KLHL2: variants seen among roughly 807,000 people sequenced by gnomAD.
KLHL2 encodes kelch-like protein 2.
A neutral mutation model predicts 75.8 loss-of-function variants in KLHL2; 15 were observed. That is an observed-to-expected ratio of 0.20 (90% CI 0.13 to 0.30). The LOEUF (loss-of-function observed/expected upper bound fraction) is 0.30. KLHL2 is among the 10% of genes least tolerant of loss of function. The pLI, the probability that KLHL2 is intolerant of heterozygous loss-of-function variation, is 1.00. For missense variants in KLHL2, 381 were observed against 741.0 expected, an observed-to-expected ratio of 0.51 and a Z score of 5.64; for synonymous variants, 214 against 251.9, an observed-to-expected ratio of 0.85 and a Z score of 1.42.
intron 14 of KLHL2, among the ~76,000 whole-genome samples, chr4:165,321,618 CT>C (rs776225142): frequency 3.3e-5 from 5 of 152,116 alleles, no homozygotes; most frequent in African/African-American, 9.7e-5. Context: ...GTCAGCACCC[CT>C]GACCCCCATG....
At chr4:165,278,698 GTA>G (rs763153636) in intron 5 of KLHL2, 1 of 1,604,106 alleles carries the variant, frequency 6.2e-7, no homozygotes, top group South Asian at 1.1e-5. Flanking sequence ...CTTCCAAAGC[GTA>G]ATATACCGGT....
intron 2 of KLHL2, among the ~76,000 whole-genome samples, chr4:165,228,110 C>T (rs1738598731): frequency 6.6e-6 from 1 of 152,226 alleles, no homozygotes; most frequent in Non-Finnish European, 1.5e-5. Context: ...GTTGGCCAGG[C>T]TGGTCTCAAA....
In KLHL2 at chr4:165,313,232, G is replaced by A. The variant is rs774576266; in HGVS notation, c.1340-6G>A. On this transcript the variant is annotated splice_polypyrimidine_tract_variant and splice_region_variant and intron_variant, in intron 11 of 14. Transcript: ENST00000226725. ...AATTTGGCTTTCTATGTGATTTTAT[G>A]TGTAGGTTTGCTCTATGCTGTAGGA... 6.2e-7 allele frequency: 1 copy of A among 1,607,140 alleles called. No individual in the cohort carries two copies. The highest frequency in any genetic ancestry group is 1.1e-5 in the South Asian group (1 of 89,912).
In KLHL2 at chr4:165,239,166, A is replaced by G. The variant is rs147626258; in HGVS notation, c.381+267A>G. Among the ~76,000 whole-genome samples the G allele has an allele frequency of 9.6e-3, 1,467 of 152,102 alleles. 22 individuals are homozygous for G. Among genetic ancestry groups the G allele is most frequent in the African/African-American group, 0.032 (1,309 of 41,486 alleles). ...CATGAAAACACTGTCATATTCATTT[A>G]TAACTGTTGATTGATGCTGCCCACA... On this transcript the variant is annotated intron_variant, in intron 4 of 14. Transcript: ENST00000226725.
intron 5 of KLHL2, among the ~76,000 whole-genome samples, chr4:165,271,724 C>A (rs565729048): frequency 1.3e-5 from 2 of 152,296 alleles, no homozygotes; most frequent in African/African-American, 4.8e-5. Context: ...GAAGATAAAT[C>A]TGGTAGAAGT....
chr4:165,274,441 C>T (rs780549016), intron 5 of KLHL2, among the ~76,000 whole-genome samples: 1 of 152,058 alleles, frequency 6.6e-6, no homozygotes, highest in Admixed American at 6.5e-5. Flanking sequence ...AACCCTGTCT[C>T]TACTAAAAAT....
chr4:165,268,536 G>C (rs889029952), intron 5 of KLHL2, among the ~76,000 whole-genome samples: 1 of 152,178 alleles, frequency 6.6e-6, no homozygotes, highest in African/African-American at 2.4e-5. Flanking sequence ...TGACTTCAAA[G>C]AACATCTTTA....
rs1739791515 is a variant in KLHL2, at chr4:165,241,208, GT to G, written c.381+2313del. ...TTTTATTTTCAATTGAAAAATACTT[GT>G]TTTGGAAAAGGCAGTTGAGAAATAA... is the stretch of plus-strand genomic sequence containing the variant. On this transcript the variant is annotated intron_variant, in intron 4 of 14. Transcript: ENST00000226725. Among the ~76,000 whole-genome samples the G allele has an allele frequency of 1.2e-4, 18 of 152,178 alleles. No individual in the cohort carries two copies. The South Asian group carries it at 3.7e-3, about 32-fold the overall frequency.
At chr4:165,296,304 C>A (rs962392032) in intron 6 of KLHL2, among the ~76,000 whole-genome samples, 9 of 152,226 alleles carry the variant, frequency 5.9e-5, no homozygotes, top group Admixed American at 3.3e-4. Context: ...CCTCCTCTCC[C>A]CTCCTTTCTT....
intron 4 of KLHL2, chr4:165,240,362 A>G (rs1428964966): frequency 3.9e-5 from 6 of 152,200 alleles, no homozygotes; most frequent in Non-Finnish European, 4.4e-5. Context: ...TTGTTAAGAC[A>G]TGCTATCGAT....
chr4:165,245,467 G>A (rs941910114), intron 4 of KLHL2, among the ~76,000 whole-genome samples: 20 of 152,106 alleles, frequency 1.3e-4, no homozygotes, highest in Admixed American at 2.0e-4. Context: ...TAAGGGCTGG[G>A]CAATTGTAAT....
chr4:165,297,691 G>T lies in KLHL2; in HGVS notation c.737G>T (p.Arg246Leu). Residue 246 changes from arginine (R) to leucine (L), a missense_variant, in exon 7 of 15, where the codon CGG (arginine) becomes CTG (leucine). By Grantham distance (102) the Arg-to-Leu change is moderately radical. Around this residue, in one of 5 missense-constraint regions of KLHL2, gnomAD observed 111 missense variants for 150.1 expected, o/e 0.74. Transcript: ENST00000226725. ...EFMARLMEHV[R>L]LPLLPREYLV... Reference sequence around the variant, plus strand: ...ATGGCCCGACTGATGGAACATGTACGGTTACCTTTGCTTCCTCGGGAATAT... The same window carrying T: ...ATGGCCCGACTGATGGAACATGTACTGTTACCTTTGCTTCCTCGGGAATAT... The T allele has an allele frequency of 6.2e-7, 1 of 1,613,276 alleles. No individual in the cohort carries two copies. Among genetic ancestry groups the T allele is most frequent in the Non-Finnish European group, 8.5e-7 (1 of 1,179,256 alleles).
At chr4:165,266,434 T>A (rs1742249462) in intron 5 of KLHL2, among the ~76,000 whole-genome samples, 2 of 152,208 alleles carry the variant, frequency 1.3e-5, no homozygotes, top group Non-Finnish European at 2.9e-5. Context: ...GGTTTTCTTC[T>A]GGGGTTTTTA....
chr4:165,313,247 A>G lies in KLHL2; in HGVS notation c.1349A>G (p.Tyr450Cys), dbSNP rs188357969. Reference sequence around the variant, plus strand: ...GTGATTTTATGTGTAGGTTTGCTCTATGCTGTAGGAGGTTATGATGGAGCA... The same window carrying G: ...GTGATTTTATGTGTAGGTTTGCTCTGTGCTGTAGGAGGTTATGATGGAGCA... Reference protein sequence around the residue: ...VGVGVVGGLLYAVGGYDGASR... With the variant: ...VGVGVVGGLLCAVGGYDGASR... The change falls in exon 12 of 15, where the codon TAT becomes TGT. Residue 450 changes from tyrosine (Y) to cysteine (C), a missense_variant. Coordinates refer to ENST00000226725, the MANE Select transcript of KLHL2 (RefSeq NM_007246.4). 1.2e-6 allele frequency: 2 copies of G among 1,610,808 alleles called. No homozygotes were observed. Among genetic ancestry groups the G allele is most frequent in the Admixed American group, 1.7e-5 (1 of 59,304 alleles).
intron 4 of KLHL2, 130 bp downstream of exon 4, chr4:165,239,029 A>G (rs2111102737): frequency 6.3e-6 from 9 of 1,424,194 alleles, no homozygotes; most frequent in Non-Finnish European, 8.3e-6. Context: ...ATTTCTAAAA[A>G]ATATTTGGAA....
intron 1 of KLHL2, chr4:165,219,523 C>G (rs559508878): frequency 4.6e-6 from 1 of 215,402 alleles, no homozygotes; most frequent in African/African-American, 2.3e-5. Flanking sequence ...AAATCAGATT[C>G]TAAGTTTCTG....
At chr4:165,300,523 A>T (rs933334021) in intron 8 of KLHL2, among the ~76,000 whole-genome samples, 1 of 151,884 alleles carries the variant, frequency 6.6e-6, no homozygotes, top group African/African-American at 2.4e-5. Context: ...TCGTGTTCAT[A>T]TTTTCCTATG....
chr4:165,280,595 T>C (rs1387438417), intron 5 of KLHL2, among the ~76,000 whole-genome samples: 1 of 152,270 alleles, frequency 6.6e-6, no homozygotes, highest in Non-Finnish European at 1.5e-5. Context: ...AATTTACTGA[T>C]ACAGAAGATT....
chr4:165,263,110 T>C (rs1193840442), intron 4 of KLHL2, 87 bp from the exon 5 acceptor site: 3 of 1,212,188 alleles, frequency 2.5e-6, no homozygotes, highest in Admixed American at 2.0e-5. Flanking sequence ...AAACTATGGC[T>C]GAACATCTTG....
Sources: allele counts gnomAD v4.1 joint callset (sites outside exome capture counted in the v4.1 genomes callset), GRCh38; gene constraint gnomAD v4.1.1; regional missense constraint gnomAD v4.1.1; transcripts MANE v1.5; gene names NCBI Gene and HGNC (gene_info 2026-07-23, HGNC 2026-07-21).